The following LCP1 variants were observed in gnomAD, a reference collection of about 807,000 sequenced individuals.
LCP1 encodes plastin-2.
Under a neutral mutation model 72.0 loss-of-function variants are expected in LCP1, and 23 were observed. The observed-to-expected ratio is 0.32, with a 90% CI of 0.23 to 0.45. LCP1 has a LOEUF of 0.45. LCP1 is among the 20% of genes least tolerant of loss of function. The probability of loss-of-function intolerance (pLI) is 1.00; values close to 1 mark genes in which losing one functional copy is unlikely to be tolerated. For synonymous variants in LCP1, 245 were observed against 275.4 expected, an observed-to-expected ratio of 0.89 and a Z score of 1.09; for missense variants, 571 against 748.3, an observed-to-expected ratio of 0.76 and a Z score of 2.76.
intron 1 of LCP1, among the ~76,000 whole-genome samples, chr13:46,177,597 G>C (rs369794237): frequency 6.6e-6 from 1 of 152,168 alleles, no homozygotes; most frequent in Non-Finnish European, 1.5e-5. Flanking sequence ...CCGAGATCAC[G>C]CAACTGTACT....
intron 3 of LCP1, 35 bp from the exon 4 acceptor site, chr13:46,158,686 C>T (rs758873740): frequency 6.2e-7 from 1 of 1,612,896 alleles, no homozygotes; most frequent in Admixed American, 1.7e-5. Context: ...GAAACTCAAG[C>T]AGTGATCAAG....
intron 1 of LCP1, among the ~76,000 whole-genome samples, chr13:46,178,815 C>A (rs1472498081): frequency 6.6e-6 from 1 of 152,130 alleles, no homozygotes; most frequent in East Asian, 1.9e-4. Context: ...TAATAAAGTC[C>A]AAGCCTTTAT....
At chr13:46,142,446 A>G (rs777056070) in intron 12 of LCP1, 21 bp from the exon 13 acceptor site, 2 of 1,609,958 alleles carry the variant, frequency 1.2e-6, no homozygotes, top group Non-Finnish European at 1.7e-6. Context: ...AGAAAGGAAA[A>G]CGATTTAACG....
rs766591045 is a variant in LCP1, at chr13:46,147,073, T to C, written c.1009A>G (p.Met337Val). The change falls in exon 10 of 16, where the codon ATG (methionine) becomes GTG (valine). Residue 337 changes from methionine to valine, a missense_variant. Transcript: ENST00000323076. ...EKDDIQRAECMLQQAERLGCR... is the reference protein window; with the variant it reads ...EKDDIQRAECVLQQAERLGCR... Reference sequence around the variant, plus strand: ...CCCAGCCTCTCCGCCTGCTGCAGCATGCATTCTGCCCTCTGGATGTCATCC... The same window carrying C: ...CCCAGCCTCTCCGCCTGCTGCAGCACGCATTCTGCCCTCTGGATGTCATCC... 2 of 1,609,640 alleles carry C rather than the reference T, an allele frequency of 1.2e-6. 1 individual carries two copies. Among genetic ancestry groups the C allele is most frequent in the South Asian group, 2.2e-5 (2 of 90,526 alleles).
intron 13 of LCP1, among the ~76,000 whole-genome samples, chr13:46,138,728 C>T (rs747437271): frequency 2.6e-5 from 4 of 152,162 alleles, no homozygotes; most frequent in Non-Finnish European, 5.9e-5. Flanking sequence ...CTCACTGCAA[C>T]CTCTGCCTCC....
At chr13:46,169,754 A>G (rs1016839536) in intron 1 of LCP1, 2 of 152,328 alleles carry the variant, frequency 1.3e-5, no homozygotes, top group Admixed American at 6.5e-5. Flanking sequence ...CTTGTTGTAC[A>G]TTGATTCTTG....
At position 46,142,283 on chromosome 13, in the gene LCP1, C is replaced by T. The variant is rs80266547; in HGVS notation, c.1502+9G>A. ...TTCAAGAAAAAGCCACTTCCATAAG[C>T]TATACTACCTTCTCATTAGCTGCCA... On this transcript the variant is annotated intron_variant, in intron 13 of 15. Coordinates refer to ENST00000323076, the MANE Select transcript of LCP1 (RefSeq NM_002298.5). 1.2e-6 allele frequency: 2 copies of T among 1,612,758 alleles called. No individual in the cohort carries two copies. The highest frequency in any genetic ancestry group is 2.7e-5 in the African/African-American group (2 of 74,900).
intron 1 of LCP1, among the ~76,000 whole-genome samples, chr13:46,162,678 G>T (rs2045848572): frequency 2.6e-5 from 4 of 152,118 alleles, no homozygotes; most frequent in Admixed American, 2.6e-4. Flanking sequence ...CGCCTGCCTT[G>T]GCCTCCCAAA....
intron 5 of LCP1, among the ~76,000 whole-genome samples, chr13:46,155,979 T>G (rs116694427): frequency 6.6e-6 from 1 of 152,240 alleles, no homozygotes; most frequent in Non-Finnish European, 1.5e-5. Flanking sequence ...GTCCTCATTA[T>G]AGAAGAGACT....
At chr13:46,154,966 A>G in intron 5 of LCP1, 80 bp from the exon 6 acceptor site, 7 of 1,042,210 alleles carry the variant, frequency 6.7e-6, no homozygotes, top group Non-Finnish European at 9.0e-6. Flanking sequence ...AATTCTAGCA[A>G]TACCATAATC....
At position 46,126,464 on chromosome 13, in the gene LCP1, T is replaced by G. The variant is rs146135719; in HGVS notation, c.*1127A>C. ...ATTCTGCCCTTGACAGCTGGCTAGGTGTGTGTGTATGTGAGTAGGGGTGCT... is the reference window on the plus strand; with the variant it reads ...ATTCTGCCCTTGACAGCTGGCTAGGGGTGTGTGTATGTGAGTAGGGGTGCT... On this transcript the variant is annotated 3_prime_UTR_variant, in exon 16 of 16. Coordinates refer to ENST00000323076, the MANE Select transcript of LCP1 (RefSeq NM_002298.5). The G allele has an allele frequency of 1.7e-3, 394 of 231,848 alleles. 3 individuals carry two copies. The highest frequency in any genetic ancestry group is 7.6e-3 in the African/African-American group (346 of 45,352). 14.4% of individuals were successfully genotyped at this position (231,848 alleles called of 1,614,324 possible). A position where few individuals can be genotyped will look rare whatever the true frequency, so the allele number is the denominator to read the frequency against.
At chr13:46,136,539 T>C (rs2045666291) in intron 13 of LCP1, among the ~76,000 whole-genome samples, 1 of 152,104 alleles carries the variant, frequency 6.6e-6, no homozygotes, top group Non-Finnish European at 1.5e-5. Flanking sequence ...GTCCAAGAGA[T>C]GGGACCAAAA....
chr13:46,159,210 C>A, intron 2 of LCP1: 1 of 551,460 alleles, frequency 1.8e-6, no homozygotes, highest in Non-Finnish European at 3.2e-6. Context: ...GTCATAATTT[C>A]TATAAGGTAC....
chr13:46,127,763 A>C, intron 15 of LCP1, 40 bp from the exon 16 acceptor site: 1 of 1,612,420 alleles, frequency 6.2e-7, no homozygotes, highest in Non-Finnish European at 8.5e-7. Context: ...AGAGCCTGAG[A>C]AACACAACAC....
At chr13:46,144,639 A>G in intron 10 of LCP1, 119 bp from the exon 11 acceptor site, 1 of 708,230 alleles carries the variant, frequency 1.4e-6, no homozygotes, top group African/African-American at 1.8e-5. Context: ...AAAGAAATAA[A>G]ATAAACTGTA....
intron 8 of LCP1, chr13:46,148,745 C>A: frequency 1.3e-6 from 1 of 770,406 alleles, no homozygotes; most frequent in African/African-American, 1.8e-5. Flanking sequence ...AACTTATTTA[C>A]ATGAATTAAA....
intron 13 of LCP1, among the ~76,000 whole-genome samples, chr13:46,140,558 A>C (rs2045691183): frequency 6.6e-6 from 1 of 152,208 alleles, no homozygotes; most frequent in African/African-American, 2.4e-5. Context: ...TATTTAAAGG[A>C]ATACAGAAAT....
intron 12 of LCP1, among the ~76,000 whole-genome samples, chr13:46,143,051 A>G (rs190296982): frequency 6.6e-6 from 1 of 152,306 alleles, no homozygotes; most frequent in Non-Finnish European, 1.5e-5. Flanking sequence ...AATTATCTTA[A>G]TTAGAATTTT....
chr13:46,169,711 A>T (rs2045895182), intron 1 of LCP1: 1 of 152,438 alleles, frequency 6.6e-6, no homozygotes, highest in South Asian at 2.1e-4. Flanking sequence ...CAGCCTCCCA[A>T]GTAGCTAGGA....
Sources: allele counts gnomAD v4.1 joint callset (sites outside exome capture counted in the v4.1 genomes callset), GRCh38; gene constraint gnomAD v4.1.1; transcripts MANE v1.5; gene names NCBI Gene and HGNC (gene_info 2026-07-23, HGNC 2026-07-21).